The following GPR158 variants were observed in gnomAD, a reference collection of about 807,000 sequenced individuals.
GPR158 encodes metabotropic glycine receptor.
GPR158 carries 30 observed loss-of-function variants against 78.2 expected under a neutral mutation model. That is an observed-to-expected ratio of 0.38 (90% confidence interval 0.29 to 0.52). The LOEUF is 0.52. Ranked by LOEUF, GPR158 falls within the 20% of genes least tolerant of loss-of-function variation. The pLI is 0.83. For missense variants in GPR158, 1,463 were observed against 1,523.5 expected, an observed-to-expected ratio of 0.96 and a Z score of 0.66; for synonymous variants, 581 against 591.1, an observed-to-expected ratio of 0.98 and a Z score of 0.25.
intron 2 of GPR158, among the ~76,000 whole-genome samples, chr10:25,236,332 C>T (rs922489493): frequency 3.9e-5 from 6 of 151,914 alleles, no homozygotes; most frequent in South Asian, 2.1e-4. Flanking sequence ...GGTGAAACCC[C>T]GTCTCTACTA....
At chr10:25,488,168 C>T (rs756942821) in intron 5 of GPR158, among the ~76,000 whole-genome samples, 10 of 152,046 alleles carry the variant, frequency 6.6e-5, no homozygotes, top group African/African-American at 9.7e-5. Context: ...ACTACCATTC[C>T]CTCTACCGTG....
intron 1 of GPR158, among the ~76,000 whole-genome samples, chr10:25,206,617 C>A (rs1200005801): frequency 1.3e-5 from 2 of 151,806 alleles, no homozygotes; most frequent in Non-Finnish European, 2.9e-5. Context: ...AAATATTTTT[C>A]CTGTTTTCTA....
chr10:25,190,330 GTTATTA>G (rs200716210), intron 1 of GPR158, among the ~76,000 whole-genome samples: 2 of 151,450 alleles, frequency 1.3e-5, no homozygotes, highest in Non-Finnish European at 2.9e-5. Flanking sequence ...CATAGACATT[GTTATTA>G]TTATTATTAT....
At chr10:25,513,938 C>T (rs1202369491) in intron 5 of GPR158, among the ~76,000 whole-genome samples, 1 of 152,052 alleles carries the variant, frequency 6.6e-6, no homozygotes, top group East Asian at 1.9e-4. Context: ...TGTGTCCTAT[C>T]ATATGGTCTG....
At chr10:25,521,174 C>A (rs7093822) in intron 5 of GPR158, among the ~76,000 whole-genome samples, 3 of 152,186 alleles carry the variant, frequency 2.0e-5, no homozygotes, top group Admixed American at 1.3e-4. Context: ...AGGAAACTCC[C>A]TGACCCCTTG....
chr10:25,287,906 G>A (rs2130761215), intron 2 of GPR158, among the ~76,000 whole-genome samples: 1 of 152,086 alleles, frequency 6.6e-6, no homozygotes, highest in South Asian at 2.1e-4. Flanking sequence ...TGTTTTAGTG[G>A]GAGAATATGA....
At position 25,598,414 on chromosome 10, in the gene GPR158, A is replaced by G; in HGVS notation, c.2788A>G (p.Lys930Glu). ...TQTAGVEERT[K>E]SQKPLPKDKE... ...AACAGCAGGTGTGGAAGAACGCACT[A>G]AATCCCAGAAACCTTTGCCAAAAGA... The change falls in exon 11 of 11, where the codon AAA becomes GAA. Residue 930 changes from lysine to glutamate, a missense_variant. Coordinates refer to ENST00000376351, the MANE Select transcript of GPR158 (RefSeq NM_020752.3). The G allele has an allele frequency of 1.2e-6, 2 of 1,614,114 alleles. No homozygotes were observed. The highest frequency in any genetic ancestry group is 1.3e-5 in the African/African-American group (1 of 75,044).
At chr10:25,471,653 T>G (rs1835505380) in intron 5 of GPR158, among the ~76,000 whole-genome samples, 1 of 152,186 alleles carries the variant, frequency 6.6e-6, no homozygotes, top group Non-Finnish European at 1.5e-5. Flanking sequence ...TGATCACCAT[T>G]CTAACTGGTG....
At chr10:25,235,001 A>G (rs1853501364) in intron 2 of GPR158, among the ~76,000 whole-genome samples, 1 of 151,764 alleles carries the variant, frequency 6.6e-6, no homozygotes, top group Admixed American at 6.6e-5. Flanking sequence ...TTCTTTTTTT[A>G]TCCAAGTTTT....
chr10:25,405,254 A>AGAAG (rs34727087), intron 3 of GPR158, among the ~76,000 whole-genome samples: 14,675 of 152,008 alleles, frequency 0.097, 750 homozygotes, highest in East Asian at 0.16. Flanking sequence ...TTCTAGTAAG[A>AGAAG]GAAGGGAGAC....
chr10:25,354,775 T>A (rs1855525280), intron 2 of GPR158, among the ~76,000 whole-genome samples: 1 of 151,976 alleles, frequency 6.6e-6, no homozygotes, highest in Non-Finnish European at 1.5e-5. Context: ...CAGCTTTTGT[T>A]TGTCTGGGAA....
At chr10:25,456,499 A>C (rs907547456) in intron 4 of GPR158, among the ~76,000 whole-genome samples, 1 of 152,162 alleles carries the variant, frequency 6.6e-6, no homozygotes, top group Non-Finnish European at 1.5e-5. Flanking sequence ...TCCTTTTTTT[A>C]GAAGACTGAG....
intron 4 of GPR158, among the ~76,000 whole-genome samples, chr10:25,463,191 AT>A (rs1485762250): frequency 6.6e-6 from 1 of 152,212 alleles, no homozygotes; most frequent in Non-Finnish European, 1.5e-5. Context: ...GATTATTAGC[AT>A]TTTTTAGCCA....
chr10:25,584,041 A>G lies in GPR158; in HGVS notation c.1754-4966A>G, dbSNP rs1420668646. 2.6e-5 allele frequency among the ~76,000 whole-genome samples: 4 copies of G among 152,208 alleles called. No homozygotes were observed. In the South Asian group the frequency reaches 6.2e-4, roughly 24 times the overall value. ...AACTTGAAAATACTCTCCTTATAGT[A>G]TATTAATTTTTCAAAGGCTATGGTA... On this transcript the variant is annotated intron_variant, in intron 7 of 10. Coordinates refer to ENST00000376351, the MANE Select transcript of GPR158 (RefSeq NM_020752.3).
At chr10:25,347,811 A>G (rs1011368848) in intron 2 of GPR158, among the ~76,000 whole-genome samples, 2 of 152,034 alleles carry the variant, frequency 1.3e-5, no homozygotes, top group Admixed American at 6.6e-5. Context: ...TTATCATTTT[A>G]TAGTCGGAGA....
intron 5 of GPR158, among the ~76,000 whole-genome samples, chr10:25,514,980 T>G (rs1301562139): frequency 6.6e-6 from 1 of 152,150 alleles, no homozygotes; most frequent in Non-Finnish European, 1.5e-5. Context: ...AATAACCTAA[T>G]GACTATGTGC....
At chr10:25,370,951 C>T (rs1412699606) in intron 2 of GPR158, among the ~76,000 whole-genome samples, 17 of 149,470 alleles carry the variant, frequency 1.1e-4, no homozygotes, top group Middle Eastern at 3.2e-3. Context: ...TTGATCTTTG[C>T]TGGTTTAAAG....
chr10:25,242,378 A>G (rs537836034), intron 2 of GPR158, among the ~76,000 whole-genome samples: 3 of 152,252 alleles, frequency 2.0e-5, no homozygotes, highest in Non-Finnish European at 2.9e-5. Flanking sequence ...TAAAAACTTT[A>G]GAAGTGAAAT....
At chr10:25,294,239 T>C (rs1250983005) in intron 2 of GPR158, among the ~76,000 whole-genome samples, 2 of 151,288 alleles carry the variant, frequency 1.3e-5, no homozygotes, top group Non-Finnish European at 2.9e-5. Flanking sequence ...ATAAAACATC[T>C]TTTTTTTTCT....
Sources: gnomAD v4.1 joint callset for allele counts (sites outside exome capture counted in the v4.1 genomes callset) on GRCh38, gnomAD v4.1.1 for gene constraint, MANE v1.5 for transcripts, NCBI Gene and HGNC (gene_info 2026-07-23, HGNC 2026-07-21) for gene names.